The following STK3 variants were observed in gnomAD, a reference collection of about 807,000 sequenced individuals.
STK3 encodes the protein serine/threonine-protein kinase 3.
STK3 carries 41 observed loss-of-function variants against 58.0 expected under a neutral mutation model. That is an observed-to-expected ratio of 0.71 (90% CI 0.55 to 0.92). The LOEUF (loss-of-function observed/expected upper bound fraction) is 0.92. STK3 is among the 40% of genes least tolerant of loss of function. The probability of loss-of-function intolerance (pLI) is 0.00; values close to 1 mark genes in which losing one functional copy is unlikely to be tolerated. For missense variants in STK3, 479 were observed against 602.7 expected, an observed-to-expected ratio of 0.79 and a Z score of 2.15; for synonymous variants, 170 against 191.0, an observed-to-expected ratio of 0.89 and a Z score of 0.91.
At chr8:98,476,559 C>A (rs1290808202) in intron 10 of STK3, among the ~76,000 whole-genome samples, 1 of 152,072 alleles carries the variant, frequency 6.6e-6, no homozygotes, top group African/African-American at 2.4e-5. Context: ...TGTTGCTTCC[C>A]CACCCTTTTT....
At chr8:98,410,567 T>C (rs1011902913) in intron 3 of STK3, among the ~76,000 whole-genome samples, 1 of 152,196 alleles carries the variant, frequency 6.6e-6, no homozygotes, top group Non-Finnish European at 1.5e-5. Context: ...TGGGTGGATA[T>C]ATAAAGAAAT....
At chr8:98,373,681 G>T (rs1817636520) in intron 2 of STK3, among the ~76,000 whole-genome samples, 1 of 152,192 alleles carries the variant, frequency 6.6e-6, no homozygotes, top group Admixed American at 6.5e-5. Flanking sequence ...CTGGAGGAAG[G>T]TGGTAGAAAT....
At chr8:98,534,872 T>C (rs1053088551) in intron 9 of STK3, among the ~76,000 whole-genome samples, 7 of 152,210 alleles carry the variant, frequency 4.6e-5, no homozygotes, top group Non-Finnish European at 1.5e-5. Flanking sequence ...CTTACACATA[T>C]TTTTTATAAA....
chr8:98,599,674 TA>T (rs142774610), intron 6 of STK3, among the ~76,000 whole-genome samples: 1 of 152,182 alleles, frequency 6.6e-6, no homozygotes, highest in Non-Finnish European at 1.5e-5. Context: ...GATGTTAATA[TA>T]AAAATGTGAA....
intron 9 of STK3, among the ~76,000 whole-genome samples, chr8:98,541,757 T>C (rs1272514696): frequency 6.6e-6 from 1 of 152,170 alleles, no homozygotes; most frequent in Non-Finnish European, 1.5e-5. Context: ...TTTCCTAATA[T>C]CCTAAGATAC....
At chr8:98,896,790 G>GC (rs1838461046) in intron 1 of STK3, among the ~76,000 whole-genome samples, 1 of 151,822 alleles carries the variant, frequency 6.6e-6, no homozygotes, top group African/African-American at 2.4e-5. Flanking sequence ...ACCAGCCTGG[G>GC]CAACATAGTG....
intron 1 of STK3, among the ~76,000 whole-genome samples, chr8:98,934,640 G>A (rs896222045): frequency 6.6e-6 from 1 of 152,246 alleles, no homozygotes; most frequent in Non-Finnish European, 1.5e-5. Context: ...TGTAGGCCGG[G>A]CACGGTGACT....
chr8:98,548,912 G>A (rs1810941401), intron 8 of STK3, among the ~76,000 whole-genome samples: 2 of 152,098 alleles, frequency 1.3e-5, no homozygotes, highest in African/African-American at 2.4e-5. Context: ...ATGCATTCAA[G>A]ATTCATGCAT....
At chr8:98,629,502 T>G (rs1819012228) in intron 6 of STK3, among the ~76,000 whole-genome samples, 1 of 152,132 alleles carries the variant, frequency 6.6e-6, no homozygotes, top group Non-Finnish European at 1.5e-5. Context: ...GGTCAAAAGT[T>G]TACTAATCTA....
intron 1 of STK3, among the ~76,000 whole-genome samples, chr8:98,445,287 G>A (rs1818889943): frequency 6.6e-6 from 1 of 152,062 alleles, no homozygotes; most frequent in Non-Finnish European, 1.5e-5. Flanking sequence ...GCTGATGGAT[G>A]CGTTTAGCTA....
intron 6 of STK3, among the ~76,000 whole-genome samples, chr8:98,627,671 T>C (rs1818842225): frequency 6.6e-6 from 1 of 152,096 alleles, no homozygotes; most frequent in African/African-American, 2.4e-5. Flanking sequence ...GTATGACCTG[T>C]AGAACTGTAG....
At position 98,908,612 on chromosome 8, in the gene STK3, G is replaced by A. The variant is rs145960838; in HGVS notation, c.-78-24778C>T. Among the ~76,000 whole-genome samples, 15 of 152,230 alleles carry A rather than the reference G, an allele frequency of 9.9e-5. No homozygotes were observed. In the East Asian group the frequency reaches 1.5e-3, roughly 16 times the overall value. ...TGTAGTCCCAGCACTTTGGGAGGCC[G>A]GGGCGGGCGGATCACCTGAGGTCAG... On this transcript the variant is annotated intron_variant, in intron 1 of 1. Transcript: ENST00000519420.
At chr8:98,356,411 C>A in the STK3 span, among the ~76,000 whole-genome samples, 7 of 152,108 alleles carry the variant, frequency 4.6e-5, no homozygotes, top group Non-Finnish European at 8.8e-5. Flanking sequence ...TCTTAGCTGA[C>A]GCTCAGCTTA....
At chr8:98,860,517 G>A (rs1406485096) in intron 3 of STK3, among the ~76,000 whole-genome samples, 1 of 152,186 alleles carries the variant, frequency 6.6e-6, no homozygotes, top group East Asian at 1.9e-4. Flanking sequence ...GCTGGAAGAA[G>A]ACCTTGTTCT....
At chr8:98,745,794 A>G (rs1587498342) in intron 4 of STK3, among the ~76,000 whole-genome samples, 1 of 152,314 alleles carries the variant, frequency 6.6e-6, no homozygotes, top group East Asian at 1.9e-4. Context: ...ATCAACCCTC[A>G]AAAGTACAGT....
chr8:98,363,445 G>A, the STK3 span, among the ~76,000 whole-genome samples: 1 of 152,192 alleles, frequency 6.6e-6, no homozygotes, highest in African/African-American at 2.4e-5. Context: ...TCCGGTACAG[G>A]CTCTGCCCTT....
At chr8:98,407,419 G>A (rs559265417) in intron 3 of STK3, among the ~76,000 whole-genome samples, 1 of 152,316 alleles carries the variant, frequency 6.6e-6, no homozygotes, top group Non-Finnish European at 1.5e-5. Flanking sequence ...AGGGAGTGAG[G>A]ATACACCCAG....
chr8:98,378,827 G>GC (rs1252440094), intron 2 of STK3, among the ~76,000 whole-genome samples: 2 of 152,092 alleles, frequency 1.3e-5, no homozygotes, highest in Admixed American at 6.5e-5. Context: ...TCTCCACATG[G>GC]CCCCTCCCTC....
intron 3 of STK3, among the ~76,000 whole-genome samples, chr8:98,840,316 C>T (rs1233290499): frequency 6.9e-6 from 1 of 145,124 alleles, no homozygotes; most frequent in Non-Finnish European, 1.5e-5. Flanking sequence ...CACTCCACTG[C>T]ACTCCAGCCT....
Sources: allele counts gnomAD v4.1 joint callset (sites outside exome capture counted in the v4.1 genomes callset), GRCh38; gene constraint gnomAD v4.1.1; transcripts MANE v1.5; gene names NCBI Gene and HGNC (gene_info 2026-07-23, HGNC 2026-07-21).